The following RYR2 variants were observed in gnomAD, a reference collection of about 807,000 sequenced individuals.
RYR2 encodes cardiac muscle ryanodine receptor-calcium release channel.
RYR2 carries 227 observed loss-of-function variants against 601.1 expected under a neutral mutation model. The observed-to-expected ratio is 0.38, with a 90% CI of 0.34 to 0.42. The LOEUF (loss-of-function observed/expected upper bound fraction) is 0.42, where lower values mean the gene tolerates loss of function less well. Among genes scored for constraint, RYR2 ranks in the 10% least tolerant of loss-of-function variants. The pLI is 1.00. For missense variants in RYR2, 4,646 were observed against 6,156.5 expected (o/e 0.75, Z 8.21); for synonymous variants, 2,223 against 2,175.1 (o/e 1.02, Z -0.61).
chr1:237,470,140 T>C (rs1406255647), intron 17 of RYR2, among the ~76,000 whole-genome samples: 1 of 152,324 alleles, frequency 6.6e-6, no homozygotes, highest in East Asian at 1.9e-4. Context: ...TTTCCTTCAT[T>C]AGTAATGAAC....
At chr1:237,706,574 G>A (rs561792124) in intron 67 of RYR2, among the ~76,000 whole-genome samples, 3 of 152,188 alleles carry the variant, frequency 2.0e-5, no homozygotes, top group Non-Finnish European at 4.4e-5. Flanking sequence ...AAGGCATCAG[G>A]TATTTGGTGG....
intron 20 of RYR2, among the ~76,000 whole-genome samples, chr1:237,498,054 C>T (rs1355288920): frequency 2.6e-5 from 4 of 151,738 alleles, no homozygotes; most frequent in Non-Finnish European, 5.9e-5. Flanking sequence ...TTAGTAGAGT[C>T]GGGGTTTCAC....
intron 1 of RYR2, among the ~76,000 whole-genome samples, chr1:237,207,135 T>C (rs1330072976): frequency 1.4e-5 from 2 of 141,734 alleles, no homozygotes; most frequent in Non-Finnish European, 3.1e-5. Context: ...AGTGAAAACC[T>C]GTCTCTACCA....
At chr1:237,262,375 C>G (rs1688632276) in intron 1 of RYR2, among the ~76,000 whole-genome samples, 1 of 149,424 alleles carries the variant, frequency 6.7e-6, no homozygotes, top group Non-Finnish European at 1.5e-5. Context: ...CCTGCCTTAG[C>G]CTCCTGAGTA....
chr1:237,090,259 G>A (rs941040299), intron 1 of RYR2, among the ~76,000 whole-genome samples: 2 of 152,156 alleles, frequency 1.3e-5, no homozygotes, highest in Non-Finnish European at 2.9e-5. Flanking sequence ...GGCCCTCCAT[G>A]GATGTCCATA....
At chr1:237,190,846 T>C (rs1679896036) in intron 1 of RYR2, among the ~76,000 whole-genome samples, 2 of 152,156 alleles carry the variant, frequency 1.3e-5, no homozygotes, top group African/African-American at 4.8e-5. Context: ...TTTGCAAATA[T>C]TTTCCCCCAT....
intron 10 of RYR2, among the ~76,000 whole-genome samples, chr1:237,406,852 G>A (rs895819273): frequency 8.6e-5 from 13 of 151,988 alleles, no homozygotes; most frequent in African/African-American, 2.9e-4. Flanking sequence ...AAAGTAATAC[G>A]GACACATTAT....
chr1:237,126,697 T>G (rs1489511468), intron 1 of RYR2, among the ~76,000 whole-genome samples: 1 of 152,238 alleles, frequency 6.6e-6, no homozygotes, highest in Admixed American at 6.5e-5. Flanking sequence ...TAATTCTGTC[T>G]TGGAGTCAGC....
At chr1:237,806,376 C>A in intron 99 of RYR2, 93 bp downstream of exon 99, 1 of 1,284,450 alleles carries the variant, frequency 7.8e-7, no homozygotes, top group Non-Finnish European at 1.1e-6. Flanking sequence ...TGACAATGTA[C>A]AGTTTTAAAG....
intron 88 of RYR2, among the ~76,000 whole-genome samples, chr1:237,779,762 CAGT>C (rs763110054): frequency 1.2e-4 from 19 of 152,304 alleles, no homozygotes; most frequent in East Asian, 9.6e-4. Context: ...AGATTTTAAT[CAGT>C]AGTGCTATTG....
chr1:237,524,609 T>C (rs986911866), intron 24 of RYR2, among the ~76,000 whole-genome samples: 1 of 152,194 alleles, frequency 6.6e-6, no homozygotes. Flanking sequence ...TTCACATAAG[T>C]GTAATTCCCT....
intron 2 of RYR2, among the ~76,000 whole-genome samples, chr1:237,298,573 T>A (rs1169845818): frequency 1.3e-5 from 2 of 152,256 alleles, no homozygotes; most frequent in East Asian, 3.9e-4. Context: ...CTCTATTAGC[T>A]TCATTTGGAT....
intron 4 of RYR2, among the ~76,000 whole-genome samples, chr1:237,358,788 C>T (rs1179106211): frequency 6.6e-6 from 1 of 151,962 alleles, no homozygotes; most frequent in Non-Finnish European, 1.5e-5. Flanking sequence ...CTACAGTGTC[C>T]CAGCTCCCAG....
intron 29 of RYR2, among the ~76,000 whole-genome samples, chr1:237,584,922 G>A (rs935182685): frequency 6.7e-6 from 1 of 148,742 alleles, no homozygotes; most frequent in East Asian, 2.0e-4. Flanking sequence ...TTTTTTTCTT[G>A]TAGAATCAGG....
chr1:237,128,253 G>A (rs10925324), intron 1 of RYR2, among the ~76,000 whole-genome samples: 8,553 of 147,980 alleles, frequency 0.058, 815 homozygotes, highest in African/African-American at 0.21. Context: ...ACGAGCCTGC[G>A]ATCGCAGGCA....
intron 1 of RYR2, among the ~76,000 whole-genome samples, chr1:237,063,355 C>T (rs976023504): frequency 6.6e-6 from 1 of 151,772 alleles, no homozygotes; most frequent in Non-Finnish European, 1.5e-5. Context: ...TCATTTTTTG[C>T]CTTTCTTTAG....
intron 7 of RYR2, among the ~76,000 whole-genome samples, chr1:237,375,187 T>TA (rs1249157519): frequency 1.3e-5 from 2 of 152,184 alleles, no homozygotes; most frequent in African/African-American, 4.8e-5. Context: ...AATAAAAAGA[T>TA]AAAAAATGAA....
chr1:237,219,010 AT>A lies in RYR2; in HGVS notation c.49-51466del, dbSNP rs754644450. 3.8e-3 allele frequency among the ~76,000 whole-genome samples: 467 copies of A among 121,674 alleles called. 1 individual carries two copies. Among genetic ancestry groups the A allele is most frequent in the Non-Finnish European group, 4.2e-3 (255 of 60,200 alleles). 79.8% of individuals were successfully genotyped at this position (121,674 alleles called of 152,430 possible). ...CATCTTTCTGCTTTCCTTATACTTG[AT>A]TTTTTTTTTTTTTTTTTTTTAGCTG... On this transcript the variant is annotated intron_variant, in intron 1 of 104. Coordinates refer to ENST00000366574, the MANE Select transcript of RYR2 (RefSeq NM_001035.3).
In RYR2 at chr1:237,530,481, C is replaced by A. The variant is rs1042196921; in HGVS notation, c.2877C>A (p.Asp959Glu). ...HVGISDEHAEDKVKKMKLPKN... is the reference protein window; with the variant it reads ...HVGISDEHAEEKVKKMKLPKN... ...GTATATCAGATGAACATGCTGAAGA[C>A]AAGGTGAAAAAAATGAAGCTACCCA... The change falls in exon 25 of 105, where the codon GAC becomes GAA. Residue 959 changes from aspartate to glutamate, a missense_variant. By Grantham distance (45) the Asp-to-Glu change is conservative (BLOSUM62 2). Around this residue, in one of 17 missense-constraint regions of RYR2, gnomAD observed 1,807 missense variants for 2,088.1 expected, o/e 0.87. Coordinates refer to ENST00000366574, the MANE Select transcript of RYR2 (RefSeq NM_001035.3). 6.2e-7 allele frequency: 1 copy of A among 1,607,504 alleles called. No homozygotes were observed. The highest frequency in any genetic ancestry group is 1.7e-5 in the Admixed American group (1 of 59,148).
Sources: allele counts gnomAD v4.1 joint callset (sites outside exome capture counted in the v4.1 genomes callset), GRCh38; gene constraint gnomAD v4.1.1; regional missense constraint gnomAD v4.1.1; transcripts MANE v1.5; gene names NCBI Gene and HGNC (gene_info 2026-07-23, HGNC 2026-07-21).